Variants in GLIS3 observed in about 807,000 individuals in gnomAD.
The protein encoded by GLIS3 is GLIS family zinc finger 3, also known as zinc finger protein GLIS3.
GLIS3 carries 53 observed loss-of-function variants against 78.6 expected under a neutral mutation model. The observed-to-expected ratio is 0.67, with a 90% CI of 0.54 to 0.85. The LOEUF (loss-of-function observed/expected upper bound fraction) is 0.85. Ranked by LOEUF, GLIS3 falls within the 40% of genes least tolerant of loss-of-function variation. The pLI is 0.00. For missense variants in GLIS3, 1,703 were observed against 1,231.1 expected (o/e 1.38, Z -5.74); for synonymous variants, 684 against 509.9 (o/e 1.34, Z -4.60).
intron 2 of GLIS3, among the ~76,000 whole-genome samples, chr9:4,250,466 C>T (rs1211730746): frequency 1.3e-5 from 2 of 152,126 alleles, no homozygotes; most frequent in Admixed American, 6.5e-5. Context: ...GTGATATCCC[C>T]TTTATCATTT....
At chr9:4,108,547 T>C (rs1830952552) in intron 4 of GLIS3, among the ~76,000 whole-genome samples, 1 of 152,164 alleles carries the variant, frequency 6.6e-6, no homozygotes, top group South Asian at 2.1e-4. Flanking sequence ...TTCTCTTGGC[T>C]AATAAATCAC....
At chr9:3,974,567 C>A (rs1490076409) in intron 4 of GLIS3, among the ~76,000 whole-genome samples, 3 of 152,188 alleles carry the variant, frequency 2.0e-5, no homozygotes, top group African/African-American at 4.8e-5. Flanking sequence ...AAAAGTCAAT[C>A]AGCACCATTT....
At chr9:4,175,017 C>T (rs1430474437) in intron 2 of GLIS3, among the ~76,000 whole-genome samples, 1 of 152,178 alleles carries the variant, frequency 6.6e-6, no homozygotes, top group Non-Finnish European at 1.5e-5. Context: ...TTGACAGGGG[C>T]AGGCCCTCCT....
chr9:4,146,304 G>T (rs1428676412), intron 2 of GLIS3, among the ~76,000 whole-genome samples: 1 of 152,132 alleles, frequency 6.6e-6, no homozygotes, highest in Non-Finnish European at 1.5e-5. Context: ...ATCTACTATA[G>T]TTCTAGATAA....
At chr9:4,393,196 T>C in the GLIS3 span, among the ~76,000 whole-genome samples, 16 of 152,232 alleles carry the variant, frequency 1.1e-4, no homozygotes, top group Non-Finnish European at 2.4e-4. Flanking sequence ...GTTTTCTCCA[T>C]TTGCTGTACA....
intron 4 of GLIS3, among the ~76,000 whole-genome samples, chr9:4,098,697 C>T (rs1260135268): frequency 1.1e-4 from 16 of 152,128 alleles, no homozygotes; most frequent in African/African-American, 3.4e-4. Flanking sequence ...TACTTCTTTA[C>T]CTTTTTACTT....
chr9:4,123,315 G>T (rs934069223), intron 3 of GLIS3, among the ~76,000 whole-genome samples: 1 of 152,080 alleles, frequency 6.6e-6, no homozygotes, highest in African/African-American at 2.4e-5. Flanking sequence ...CTCTTGGACT[G>T]CTGGTTAGTT....
chr9:3,971,088 A>G (rs925190110), intron 4 of GLIS3, among the ~76,000 whole-genome samples: 3 of 147,682 alleles, frequency 2.0e-5, no homozygotes, highest in Admixed American at 1.4e-4. Flanking sequence ...GGAAGGAAGG[A>G]AGGATAGATC....
At chr9:4,119,328 A>T (rs951392809) in intron 3 of GLIS3, among the ~76,000 whole-genome samples, 1 of 152,208 alleles carries the variant, frequency 6.6e-6, no homozygotes, top group South Asian at 2.1e-4. Flanking sequence ...CTTCAAGTAA[A>T]ATCTATTTGG....
chr9:4,277,727 C>A (rs1328972869), intron 2 of GLIS3, among the ~76,000 whole-genome samples: 1 of 152,164 alleles, frequency 6.6e-6, no homozygotes, highest in East Asian at 1.9e-4. Flanking sequence ...TATATTCCTC[C>A]GGGTACTACA....
chr9:3,976,054 C>G (rs951180168), intron 4 of GLIS3, among the ~76,000 whole-genome samples: 1 of 152,134 alleles, frequency 6.6e-6, no homozygotes, highest in Non-Finnish European at 1.5e-5. Context: ...GGTCGCACTG[C>G]TCACTGCTCA....
chr9:4,216,681 C>G (rs1357279465), intron 2 of GLIS3, among the ~76,000 whole-genome samples: 1 of 152,066 alleles, frequency 6.6e-6, no homozygotes, highest in Non-Finnish European at 1.5e-5. Flanking sequence ...CCCAATATGC[C>G]TATGCCTTCC....
intron 2 of GLIS3, among the ~76,000 whole-genome samples, chr9:4,203,314 G>GA (rs574627393): frequency 2.6e-3 from 390 of 150,762 alleles, no homozygotes; most frequent in African/African-American, 7.9e-3. Context: ...ATTAAAAAGT[G>GA]AAAAAAAAAT....
At chr9:4,359,676 T>C in the GLIS3 span, among the ~76,000 whole-genome samples, 26 of 152,328 alleles carry the variant, frequency 1.7e-4, no homozygotes, top group African/African-American at 6.3e-4. Flanking sequence ...AAAATGTATT[T>C]AAAATGGTAA....
intron 2 of GLIS3, among the ~76,000 whole-genome samples, chr9:4,346,291 G>A (rs1817896170): frequency 6.6e-6 from 1 of 152,136 alleles, no homozygotes; most frequent in Non-Finnish European, 1.5e-5. Flanking sequence ...TCTTGATGCA[G>A]CCTAGCTTTC....
chr9:4,332,271 G>C (rs1007293691), intron 2 of GLIS3, among the ~76,000 whole-genome samples: 2 of 152,088 alleles, frequency 1.3e-5, no homozygotes. Flanking sequence ...TCCTTCCCAG[G>C]TCCAGGTGTA....
At chr9:3,943,174 T>G (rs184309492) in intron 4 of GLIS3, among the ~76,000 whole-genome samples, 25 of 152,336 alleles carry the variant, frequency 1.6e-4, no homozygotes, top group African/African-American at 5.8e-4. Context: ...ATTCTTAGAC[T>G]GGATGCATTT....
Position 4,118,670 on chromosome 9 carries a change from G to C in GLIS3, c.808C>G (p.Pro270Ala), listed in dbSNP as rs1024751925. The C allele has an allele frequency of 2.5e-6, 4 of 1,614,176 alleles. No individual in the cohort carries two copies. Among genetic ancestry groups the C allele is most frequent in the South Asian group, 1.1e-5 (1 of 91,080 alleles). The change falls in exon 4 of 11, where the codon CCA becomes GCA. Residue 270 changes from proline (P) to alanine (A), a missense_variant. Transcript: ENST00000381971. The surrounding 1 kb of genome is among the most constrained non-coding windows in gnomAD (Gnocchi z 4.7). The stretch of plus-strand genomic sequence containing the variant: ...CTTTCCGTGCCAAAAAGGTAGGATG[G>C]TAATGAGTTAGAGACACTATTGCTG... ...MSSNSVSNSL[P>A]SYLFGTESSH...
intron 2 of GLIS3, among the ~76,000 whole-genome samples, chr9:4,277,177 AC>A (rs1827106474): frequency 6.6e-6 from 1 of 152,194 alleles, no homozygotes; most frequent in South Asian, 2.1e-4. Flanking sequence ...GTGTTAGCAG[AC>A]TTTTTTCATT....
Sources: gnomAD v4.1 joint callset for allele counts (sites outside exome capture counted in the v4.1 genomes callset) on GRCh38, gnomAD v4.1.1 for gene constraint, Gnocchi (gnomAD v3.1) non-coding constraint, MANE v1.5 for transcripts, NCBI Gene and HGNC (gene_info 2026-07-23, HGNC 2026-07-21) for gene names.